The following TNRC6A variants were observed in gnomAD, a reference collection of about 807,000 sequenced individuals.
The protein encoded by TNRC6A is trinucleotide repeat containing adaptor 6A.
In TNRC6A, 44 loss-of-function variants were observed where a neutral mutation model predicts 221.2. The observed-to-expected ratio is 0.20, with a 90% CI of 0.16 to 0.26. The LOEUF is 0.26. Among genes scored for constraint, TNRC6A ranks in the 10% least tolerant of loss-of-function variants. TNRC6A has a pLI of 1.00. For synonymous variants in TNRC6A, 847 were observed against 838.5 expected, an observed-to-expected ratio of 1.01 and a Z score of -0.18; for missense variants, 2,199 against 2,404.4, an observed-to-expected ratio of 0.91 and a Z score of 1.79.
At chr16:24,818,448 A>C (rs986908809) in intron 20 of TNRC6A, 145 bp from the exon 21 acceptor site, 1 of 658,158 alleles carries the variant, frequency 1.5e-6, no homozygotes, top group Non-Finnish European at 2.7e-6. Context: ...AAGAAGGAAG[A>C]TGTCTCGGGC....
chr16:24,657,150 C>CA (rs1435535554), intron 2 of TNRC6A, among the ~76,000 whole-genome samples: 1 of 150,942 alleles, frequency 6.6e-6, no homozygotes, highest in Admixed American at 6.6e-5. Flanking sequence ...CTATCTTCTA[C>CA]AAAAAATACA....
At chr16:24,805,318 A>G (rs980575845) in intron 14 of TNRC6A, 167 bp downstream of exon 14, 2 of 1,102,144 alleles carry the variant, frequency 1.8e-6, no homozygotes. Flanking sequence ...GGAAAAGTCA[A>G]GGATAATTTA....
intron 1 of TNRC6A, among the ~76,000 whole-genome samples, chr16:24,640,536 T>C (rs749023954): frequency 6.6e-6 from 1 of 151,762 alleles, no homozygotes; most frequent in African/African-American, 2.4e-5. Flanking sequence ...GAGACCAGCC[T>C]GGGCAACATG....
In TNRC6A at chr16:24,664,769, TCACACACA is replaced by T. The variant is rs149786252; in HGVS notation, n.402+23797_402+23804del. 528 of 301,618 alleles carry T rather than the reference TCACACACA, an allele frequency of 1.8e-3. 1 individual carries two copies. The highest frequency in any genetic ancestry group is 0.011 in the African/African-American group (433 of 40,354). The allele number at this position is 301,618 out of a possible 1,614,324, so 18.7% of individuals were successfully genotyped here. A position where few individuals can be genotyped will look rare whatever the true frequency, so the allele number is the denominator to read the frequency against. On this transcript the variant is annotated intron_variant and non_coding_transcript_variant, in intron 2 of 2. Coordinates refer to the TNRC6A transcript ENST00000566108. ...AGGGTGCCTTGCAGTAATCCCCAAATCACACACACACACACACACACACACACACACAC... is the reference window on the plus strand; with the variant it reads ...AGGGTGCCTTGCAGTAATCCCCAAATCACACACACACACACACACACACAC...
At chr16:24,752,410 G>A (rs1169962408) in intron 3 of TNRC6A, among the ~76,000 whole-genome samples, 1 of 152,210 alleles carries the variant, frequency 6.6e-6, no homozygotes, top group African/African-American at 2.4e-5. Context: ...AATTAAGTAT[G>A]AGATGAGAGG....
intron 2 of TNRC6A, among the ~76,000 whole-genome samples, chr16:24,644,081 A>ATTTTTTTTTTTTTTTTTTTTT (rs748251760): frequency 1.2e-5 from 1 of 81,560 alleles, no homozygotes; most frequent in African/African-American, 5.3e-5. Context: ...CTTATCTTTA[A>ATTTTTTTTTTTTTTTTTTTTT]TTTTTTTTTT....
chr16:24,660,252 C>T, intron 2 of TNRC6A, among the ~76,000 whole-genome samples: 1 of 151,878 alleles, frequency 6.6e-6, no homozygotes, highest in East Asian at 1.9e-4. Context: ...CCCCTGAGTC[C>T]CCAAAGTCCC....
At chr16:24,781,832 T>TG (rs1174789533) in intron 5 of TNRC6A, among the ~76,000 whole-genome samples, 1 of 151,940 alleles carries the variant, frequency 6.6e-6, no homozygotes, top group Non-Finnish European at 1.5e-5. Context: ...TAACTCTTTT[T>TG]TTTTTTTTTT....
At chr16:24,637,214 G>A (rs1002391110) in intron 1 of TNRC6A, among the ~76,000 whole-genome samples, 1 of 151,998 alleles carries the variant, frequency 6.6e-6, no homozygotes, top group African/African-American at 2.4e-5. Context: ...AAAATTTTTT[G>A]TAGAGATGGG....
chr16:24,805,021 A>T lies in TNRC6A; in HGVS notation c.3992A>T (p.Asn1331Ile), dbSNP rs779118722. The change falls in exon 14 of 25, where the codon AAT (asparagine) becomes ATT (isoleucine). Residue 1331 changes from asparagine (N) to isoleucine (I), a missense_variant. Transcript: ENST00000395799. ...TGCTGTTTGTTTTTATAGAATGGCAATCCCAGTATGTTTGGTGTTGGAAAC... is the reference window on the plus strand; with the variant it reads ...TGCTGTTTGTTTTTATAGAATGGCATTCCCAGTATGTTTGGTGTTGGAAAC... ...QNLNSVRQNG[N>I]PSMFGVGNTA... 1 of 1,614,060 alleles carries T rather than the reference A, an allele frequency of 6.2e-7. No individual in the cohort carries two copies. The highest frequency in any genetic ancestry group is 1.3e-5 in the African/African-American group (1 of 74,924).
chr16:24,821,707 T>G (rs1412436280), intron 22 of TNRC6A: 1 of 193,640 alleles, frequency 5.2e-6, no homozygotes, highest in African/African-American at 2.3e-5. Flanking sequence ...CTTCATGCCC[T>G]GAAGGACACA....
chr16:24,705,233 C>T (rs2142253014), intron 2 of TNRC6A, among the ~76,000 whole-genome samples: 1 of 152,266 alleles, frequency 6.6e-6, no homozygotes, highest in South Asian at 2.1e-4. Context: ...CCAGATCACA[C>T]AGTTAATGCA....
intron 2 of TNRC6A, among the ~76,000 whole-genome samples, chr16:24,735,886 C>T (rs957995915): frequency 2.0e-5 from 3 of 152,072 alleles, no homozygotes; most frequent in African/African-American, 4.8e-5. Context: ...AAAAATTGGC[C>T]GGGCACAGTG....
At chr16:24,778,538 A>G in intron 5 of TNRC6A, 1 of 967,610 alleles carries the variant, frequency 1.0e-6, no homozygotes, top group South Asian at 4.8e-5. Flanking sequence ...CTGAGTTAAT[A>G]TTTACTTGCT....
intron 11 of TNRC6A, among the ~76,000 whole-genome samples, chr16:24,798,667 A>T (rs911193198): frequency 3.3e-5 from 5 of 152,200 alleles, no homozygotes; most frequent in African/African-American, 1.2e-4. Flanking sequence ...TTCCATGGAG[A>T]CATAGGACTT....
intron 1 of TNRC6A, among the ~76,000 whole-genome samples, chr16:24,618,015 A>G (rs1900463493): frequency 6.6e-6 from 1 of 152,206 alleles, no homozygotes; most frequent in Admixed American, 6.6e-5. Context: ...CTCGTGCCTC[A>G]GCCATCTTAG....
At chr16:24,745,795 TCCCC>T (rs4038329) in intron 2 of TNRC6A, among the ~76,000 whole-genome samples, 2 of 118,524 alleles carry the variant, frequency 1.7e-5, no homozygotes, top group Non-Finnish European at 3.5e-5. Flanking sequence ...GTATGTACCA[TCCCC>T]CCCCCCCCCA....
chr16:24,675,702 CTATATATATATATATATATATATATATA>C (rs60165161), intron 2 of TNRC6A, among the ~76,000 whole-genome samples: 5 of 33,268 alleles, frequency 1.5e-4, no homozygotes, highest in African/African-American at 5.1e-4. Context: ...CTCTCTCTCT[CTATATATATATATATATATATATATATA>C]TATATATATA....
rs189894365 is a variant in TNRC6A, at chr16:24,763,778, A to G, written c.163+5418A>G. ...CTTCCATTCTCATCTTTATTTTGGT[A>G]AAGGTAAATATGTGATTAAAGGCCT... On this transcript the variant is annotated intron_variant, in intron 4 of 24. Transcript: ENST00000395799. Among the ~76,000 whole-genome samples, 605 of 152,282 alleles carry G rather than the reference A, an allele frequency of 4.0e-3. 3 individuals carry two copies. The highest frequency in any genetic ancestry group is 0.015 in the South Asian group (70 of 4,820).
Sources: allele counts gnomAD v4.1 joint callset (sites outside exome capture counted in the v4.1 genomes callset), GRCh38; gene constraint gnomAD v4.1.1; transcripts MANE v1.5; gene names NCBI Gene and HGNC (gene_info 2026-07-23, HGNC 2026-07-21).